FAHD2B: variants seen among roughly 807,000 people sequenced by gnomAD.
The protein encoded by FAHD2B is fumarylacetoacetate hydrolase domain containing 2B.
A neutral mutation model predicts 33.7 loss-of-function variants in FAHD2B; 26 were observed. That is an observed-to-expected ratio of 0.77 (90% confidence interval 0.57 to 1.07). The LOEUF (loss-of-function observed/expected upper bound fraction) is 1.07. Among genes scored for constraint, FAHD2B ranks in the 50% least tolerant of loss-of-function variants. The pLI is 0.00. For missense variants in FAHD2B, 272 were observed against 388.1 expected, an observed-to-expected ratio of 0.70 and a Z score of 2.51; for synonymous variants, 108 against 150.9, an observed-to-expected ratio of 0.72 and a Z score of 2.08.
At chr2:97,085,567 C>T (rs1337297255) in intron 6 of FAHD2B, 132 bp downstream of exon 6, 1 of 1,411,512 alleles carries the variant, frequency 7.1e-7, no homozygotes, top group East Asian at 2.5e-5. Context: ...AAAGACTTTC[C>T]CTGTATGGAG....
chr2:97,091,801 C>G, intron 2 of FAHD2B, 62 bp downstream of exon 2: 2 of 1,512,936 alleles, frequency 1.3e-6, no homozygotes, highest in Non-Finnish European at 1.8e-6. Flanking sequence ...AGCCCAAGGC[C>G]CTTTGCCCCA....
At chr2:97,087,956 T>C (rs2032096930) in intron 4 of FAHD2B, among the ~76,000 whole-genome samples, 1 of 152,054 alleles carries the variant, frequency 6.6e-6, no homozygotes, top group African/African-American at 2.4e-5. Context: ...GGGAAATGTA[T>C]AACATCTTTG....
At chr2:97,082,710 G>A (rs900940541), downstream of FAHD2B, 35 of 1,589,286 alleles carry the variant, frequency 2.2e-5, no homozygotes, top group East Asian at 4.5e-5. Flanking sequence ...CAGAGTGTGC[G>A]GACCCAAAGC....
chr2:97,084,749 A>G (rs759753155), intron 6 of FAHD2B, among the ~76,000 whole-genome samples: 4 of 151,950 alleles, frequency 2.6e-5, no homozygotes, highest in Non-Finnish European at 4.4e-5. Flanking sequence ...GTCTCTATGC[A>G]AAATAATAAA....
chr2:97,078,790 G>A (rs2031561327), downstream of FAHD2B, among the ~76,000 whole-genome samples: 1 of 151,956 alleles, frequency 6.6e-6, no homozygotes. Context: ...GGGTACATGT[G>A]CAGGATGTGC....
downstream of FAHD2B, among the ~76,000 whole-genome samples, chr2:97,079,913 C>T (rs1378292197): frequency 6.6e-6 from 1 of 152,084 alleles, no homozygotes; most frequent in East Asian, 1.9e-4. Flanking sequence ...GATCCTCCTG[C>T]CTTGGCCTCC....
chr2:97,089,969 T>C, intron 4 of FAHD2B, 140 bp downstream of exon 4: 1 of 909,062 alleles, frequency 1.1e-6, no homozygotes, highest in Non-Finnish European at 1.7e-6. Flanking sequence ...AGGCCAGTGT[T>C]ACTACTGTGT....
chr2:97,080,010 G>C (rs1441066090), downstream of FAHD2B, among the ~76,000 whole-genome samples: 5 of 152,108 alleles, frequency 3.3e-5, no homozygotes, highest in Non-Finnish European at 7.3e-5. Context: ...TAGATGCATA[G>C]TTTGCAAAAC....
chr2:97,083,617 C>A lies in FAHD2B; in HGVS notation c.*138G>T. 1 of 1,372,856 alleles carries A rather than the reference C, an allele frequency of 7.3e-7. No individual in the cohort carries two copies. Among genetic ancestry groups the A allele is most frequent in the South Asian group, 1.3e-5 (1 of 76,538 alleles). The allele number at this position is 1,372,856 out of a possible 1,614,324, so 85.0% of individuals were successfully genotyped here. ...GACCCGACGCATTTATTGAAGAGAG[C>A]TCTGTCCTTCTCCCTTCTACCGAGA... On this transcript the variant is annotated 3_prime_UTR_variant, in exon 9 of 9. Coordinates refer to ENST00000414820, the MANE Select transcript of FAHD2B (RefSeq NM_001320848.2).
At chr2:97,093,570 G>A (rs1003576555) in intron 1 of FAHD2B, among the ~76,000 whole-genome samples, 1 of 150,618 alleles carries the variant, frequency 6.6e-6, no homozygotes, top group Non-Finnish European at 1.5e-5. Context: ...TGCCTCCCGG[G>A]TTCATGCCAT....
chr2:97,084,170 G>A lies in FAHD2B; in HGVS notation c.793C>T (p.Gln265Ter). The change falls in exon 7 of 9, where the codon CAG (glutamine) becomes TAG (stop). Residue 265 changes from glutamine to a stop codon, truncating the protein, a stop_gained and splice_region_variant. Coordinates refer to ENST00000414820, the MANE Select transcript of FAHD2B (RefSeq NM_001320848.2). LOFTEE classifies it high-confidence loss of function. ...GGCAGGACAGCCCTTGTCACTCACTGGGAGACCCAGGCTATCAGGTCCTCT... is the reference window on the plus strand; with the variant it reads ...GGCAGGACAGCCCTTGTCACTCACTAGGAGACCCAGGCTATCAGGTCCTCT... ...KTEDLIAWVS[Q>*]FVTFYPGDVI... is the part of the protein sequence containing the mutation. 6.2e-7 allele frequency: 1 copy of A among 1,613,766 alleles called. No individual in the cohort carries two copies. Among genetic ancestry groups the A allele is most frequent in the African/African-American group, 1.3e-5 (1 of 75,044 alleles).
rs372972282 is a variant in FAHD2B at position 97,084,140 on chromosome 2, G to A, written c.794+29C>T. The A allele has an allele frequency of 1.2e-4, 197 of 1,613,522 alleles. 3 individuals carry two copies. The South Asian group carries it at 1.3e-3, about 11-fold the overall frequency. The stretch of plus-strand genomic sequence containing the variant: ...CTCCACATGTGTGGCAGGTGGAGCG[G>A]GGCTGGCAGGACAGCCCTTGTCACT... On this transcript the variant is annotated intron_variant, in intron 7 of 8. Coordinates refer to ENST00000414820, the MANE Select transcript of FAHD2B (RefSeq NM_001320848.2).
In FAHD2B at chr2:97,092,592, T is replaced by G. The variant is rs994882670; in HGVS notation, c.-132-604A>C. Among the ~76,000 whole-genome samples, 13 of 152,138 alleles carry G rather than the reference T, an allele frequency of 8.5e-5. No homozygotes were observed. In the East Asian group the frequency reaches 2.5e-3, roughly 29 times the overall value. ...ACAAATAAGTGACAGAAGCAGGGGC[T>G]TGACATTTCACTACTTGGGAAAGCT... On this transcript the variant is annotated intron_variant, in intron 1 of 8. Coordinates refer to ENST00000414820, the MANE Select transcript of FAHD2B (RefSeq NM_001320848.2).
At chr2:97,083,063 G>T, downstream of FAHD2B, 3 of 1,401,846 alleles carry the variant, frequency 2.1e-6, no homozygotes, top group Non-Finnish European at 2.8e-6. Flanking sequence ...GCAGGTTTCT[G>T]GGGGACAGGC....
chr2:97,091,553 C>A lies in FAHD2B; in HGVS notation c.154G>T (p.Val52Phe). The change falls in exon 3 of 9, where the codon GTT becomes TTT. Residue 52 changes from valine to phenylalanine, a missense_variant. Transcript: ENST00000414820. ...LGLETGNGGG[V>F]INLNAFDPTL... ...GGGTCAAAGGCATTGAGGTTGATAA[C>A]CCCTCCACCATTCCCTGTCTCCAGG... 1.2e-6 allele frequency: 2 copies of A among 1,613,580 alleles called. No individual in the cohort carries two copies. The highest frequency in any genetic ancestry group is 1.7e-6 in the Non-Finnish European group (2 of 1,179,864).
At chr2:97,084,866 T>C (rs1359231979) in intron 6 of FAHD2B, among the ~76,000 whole-genome samples, 4 of 148,468 alleles carry the variant, frequency 2.7e-5, no homozygotes, top group Non-Finnish European at 4.4e-5. Flanking sequence ...TGAGCTGGGA[T>C]TGGGCCACTG....
At chr2:97,094,663 G>GAC (rs1336228651) in intron 1 of FAHD2B, 38 bp downstream of exon 1, 19 of 52,638 alleles carry the variant, frequency 3.6e-4, no homozygotes, top group African/African-American at 1.5e-3. Context: ...CTGCGCCAGG[G>GAC]ACACCCTTCT....
rs183589432 is a variant in FAHD2B at position 97,089,779 on chromosome 2, T to C, written c.462+330A>G. 913 of 398,610 alleles carry C rather than the reference T, an allele frequency of 2.3e-3. 7 individuals carry two copies. The highest frequency in any genetic ancestry group is 0.017 in the African/African-American group (831 of 49,120). 24.7% of individuals were successfully genotyped at this position (398,610 alleles called of 1,614,324 possible). On this transcript the variant is annotated intron_variant, in intron 4 of 8. Coordinates refer to ENST00000414820, the MANE Select transcript of FAHD2B (RefSeq NM_001320848.2). Reference sequence around the variant, plus strand: ...GTAAAAGGTAAGTATATGTACAGTATAAACATATACAGGAGTGGAGAAACA... The same window carrying C: ...GTAAAAGGTAAGTATATGTACAGTACAAACATATACAGGAGTGGAGAAACA...
At chr2:97,089,350 C>T (rs1246519974) in intron 4 of FAHD2B, among the ~76,000 whole-genome samples, 3 of 150,926 alleles carry the variant, frequency 2.0e-5, no homozygotes, top group East Asian at 1.9e-4. Flanking sequence ...AAAACCCCAT[C>T]TCTACTAAAA....
Sources: allele counts gnomAD v4.1 joint callset (sites outside exome capture counted in the v4.1 genomes callset), GRCh38; gene constraint gnomAD v4.1.1; transcripts MANE v1.5; gene names NCBI Gene and HGNC (gene_info 2026-07-23, HGNC 2026-07-21).